TJP1: variants seen among roughly 807,000 people sequenced by gnomAD.
The protein encoded by TJP1 is tight junction protein 1.
TJP1 carries 43 observed loss-of-function variants against 194.2 expected under a neutral mutation model. The observed-to-expected ratio is 0.22, with a 90% CI of 0.17 to 0.29. TJP1 has a LOEUF of 0.29. Among genes scored for constraint, TJP1 ranks in the 10% least tolerant of loss-of-function variants. TJP1 has a pLI of 1.00. For missense variants in TJP1, 1,971 were observed against 2,185.7 expected, an observed-to-expected ratio of 0.90 and a Z score of 1.96; for synonymous variants, 801 against 779.0, an observed-to-expected ratio of 1.03 and a Z score of -0.47.
intron 8 of TJP1, among the ~76,000 whole-genome samples, chr15:29,743,866 G>A (rs528664202): frequency 2.6e-5 from 4 of 152,258 alleles, no homozygotes; most frequent in Non-Finnish European, 4.4e-5. Context: ...CTAGGAACTA[G>A]GGAAATACAA....
Position 29,747,405 on chromosome 15 carries a change from T to C in TJP1, c.1011-4624A>G, listed in dbSNP as rs573899850. ...AACAAAATTAAGCTCTATCCCCAAATTGTGCTGTGCTCCTCAGATTAAAAG... is the reference window on the plus strand; with the variant it reads ...AACAAAATTAAGCTCTATCCCCAAACTGTGCTGTGCTCCTCAGATTAAAAG... On this transcript the variant is annotated intron_variant, in intron 8 of 27. Transcript: ENST00000614355. Among the ~76,000 whole-genome samples the C allele has an allele frequency of 3.3e-5, 5 of 152,300 alleles. No individual in the cohort carries two copies. In the South Asian group the frequency reaches 6.2e-4, roughly 19 times the overall value.
At chr15:29,886,204 G>A (rs1253772073) in intron 2 of TJP1, among the ~76,000 whole-genome samples, 1 of 152,064 alleles carries the variant, frequency 6.6e-6, no homozygotes, top group Non-Finnish European at 1.5e-5. Context: ...ATTGTTTAAG[G>A]TACTAAGAAA....
intron 1 of TJP1, among the ~76,000 whole-genome samples, chr15:29,818,159 C>T (rs2151987181): frequency 1.3e-5 from 2 of 152,250 alleles, no homozygotes; most frequent in South Asian, 4.1e-4. Flanking sequence ...TACTACTATT[C>T]CCGAGACTTA....
At chr15:29,769,489 G>A (rs186902143) in intron 4 of TJP1, among the ~76,000 whole-genome samples, 2 of 152,226 alleles carry the variant, frequency 1.3e-5, no homozygotes, top group East Asian at 3.9e-4. Context: ...GATGATTTTT[G>A]CAGCTGAATT....
chr15:29,949,546 C>T (rs1567225316), intron 2 of TJP1, among the ~76,000 whole-genome samples: 13 of 141,036 alleles, frequency 9.2e-5, no homozygotes, highest in Non-Finnish European at 1.6e-4. Context: ...CCACCACCAC[C>T]TCCACAACCA....
intron 2 of TJP1, among the ~76,000 whole-genome samples, chr15:29,777,990 T>C (rs1796314956): frequency 6.6e-6 from 1 of 152,152 alleles, no homozygotes; most frequent in Non-Finnish European, 1.5e-5. Context: ...TCTTGTTTGG[T>C]AGTTATTTTA....
At chr15:29,796,879 G>C (rs1451053955) in intron 2 of TJP1, among the ~76,000 whole-genome samples, 1 of 151,774 alleles carries the variant, frequency 6.6e-6, no homozygotes, top group African/African-American at 2.4e-5. Context: ...ATTGATTTTT[G>C]ACAAAGCGAG....
At chr15:29,945,914 C>T (rs1244739762) in intron 2 of TJP1, among the ~76,000 whole-genome samples, 1 of 152,078 alleles carries the variant, frequency 6.6e-6, no homozygotes, top group African/African-American at 2.4e-5. Context: ...AAGAAATGTA[C>T]AGTACATCAA....
chr15:29,944,975 T>C (rs2055222951), intron 2 of TJP1, among the ~76,000 whole-genome samples: 1 of 152,270 alleles, frequency 6.6e-6, no homozygotes, highest in African/African-American at 2.4e-5. Context: ...CTTAACCCAG[T>C]GTCTGTCTTG....
chr15:29,787,172 C>T (rs2047752501), intron 2 of TJP1, among the ~76,000 whole-genome samples: 1 of 152,054 alleles, frequency 6.6e-6, no homozygotes. Flanking sequence ...GTGTATGATT[C>T]AATGGTTTTT....
Position 29,720,014 on chromosome 15 carries a change from T to G in TJP1, c.2766A>C (p.Lys922Asn). 6.2e-7 allele frequency: 1 copy of G among 1,602,700 alleles called. No individual in the cohort carries two copies. The highest frequency in any genetic ancestry group is 1.3e-5 in the African/African-American group (1 of 74,224). Residue 922 changes from lysine (K) to asparagine (N), a missense_variant and splice_region_variant, in exon 20 of 28, where the codon AAA (lysine) becomes AAC (asparagine). Lys to Asn is a moderately conservative substitution (Grantham distance 94). Around this residue, in one of 5 missense-constraint regions of TJP1, gnomAD observed 1,108 missense variants for 1,128.5 expected, o/e 0.98. Coordinates refer to ENST00000614355, the MANE Select transcript of TJP1 (RefSeq NM_001330239.4). ...AAGGGACTGGAGATGAAGCTTCTGC[T>G]TTCTGTGAAGTGTTTAAAATATTTT... ...SPGFKPASQQ[K>N]AEASSPVPYL...
intron 2 of TJP1, among the ~76,000 whole-genome samples, chr15:29,776,295 A>G (rs1337411985): frequency 6.6e-6 from 1 of 152,188 alleles, no homozygotes; most frequent in African/African-American, 2.4e-5. Context: ...TATCTCCAAG[A>G]TCCTGAAAAA....
At chr15:29,742,364 G>A (rs757864911) in intron 9 of TJP1, among the ~76,000 whole-genome samples, 19 of 152,114 alleles carry the variant, frequency 1.2e-4, no homozygotes, top group Non-Finnish European at 2.4e-4. Context: ...CCAATCTCAT[G>A]TTTCTCTTTA....
chr15:29,702,464 G>C (rs2041610528), intron 27 of TJP1, among the ~76,000 whole-genome samples: 1 of 152,216 alleles, frequency 6.6e-6, no homozygotes, highest in South Asian at 2.1e-4. Context: ...GAGAGTCACA[G>C]CTGTGGACGT....
intron 2 of TJP1, among the ~76,000 whole-genome samples, chr15:29,940,557 A>G (rs996321715): frequency 6.6e-6 from 1 of 152,224 alleles, no homozygotes; most frequent in African/African-American, 2.4e-5. Context: ...TTTTCTATCT[A>G]TACTTGAAAT....
Position 29,822,091 on chromosome 15 carries a change from C to A in TJP1, c.-63G>T. On this transcript the variant is annotated 5_prime_UTR_variant, in exon 1 of 28. Transcript: ENST00000614355. Reference sequence around the variant, plus strand: ...CCGAAACTCCGCGGCGCTGGCCCGCCCGCTCCTCACGCCACAGCCCAAATA... The same window carrying A: ...CCGAAACTCCGCGGCGCTGGCCCGCACGCTCCTCACGCCACAGCCCAAATA... 8.1e-7 allele frequency: 1 copy of A among 1,241,828 alleles called. No individual in the cohort carries two copies. Among genetic ancestry groups the A allele is most frequent in the Non-Finnish European group, 1.0e-6 (1 of 991,988 alleles). 76.9% of individuals were successfully genotyped at this position (1,241,828 alleles called of 1,614,324 possible).
chr15:29,950,129 TCCACCACCA>T (rs1389948941), intron 2 of TJP1, among the ~76,000 whole-genome samples: 1 of 20,138 alleles, frequency 5.0e-5, no homozygotes, highest in Non-Finnish European at 8.4e-5. Context: ...AACCACCACC[TCCACCACCA>T]CCACAACCAC....
At chr15:29,873,467 G>A (rs971056555) in intron 2 of TJP1, among the ~76,000 whole-genome samples, 1 of 152,170 alleles carries the variant, frequency 6.6e-6, no homozygotes, top group Non-Finnish European at 1.5e-5. Flanking sequence ...GATCAAGCCT[G>A]GCTGCTACAA....
chr15:29,803,562 C>G (rs1037633153), intron 1 of TJP1, among the ~76,000 whole-genome samples: 12 of 152,240 alleles, frequency 7.9e-5, no homozygotes, highest in Admixed American at 6.5e-4. Flanking sequence ...GGACATTGTT[C>G]TAAGTGAGCT....
Sources: allele counts gnomAD v4.1 joint callset (sites outside exome capture counted in the v4.1 genomes callset), GRCh38; gene constraint gnomAD v4.1.1; regional missense constraint gnomAD v4.1.1; transcripts MANE v1.5; gene names NCBI Gene and HGNC (gene_info 2026-07-23, HGNC 2026-07-21).